The following PARP9 variants were observed in gnomAD, a reference collection of about 807,000 sequenced individuals.
PARP9 encodes the protein poly(ADP-ribose) polymerase family member 9.
PARP9 carries 48 observed loss-of-function variants against 68.8 expected under a neutral mutation model. That is an observed-to-expected ratio of 0.70 (90% CI 0.55 to 0.89). PARP9 has a LOEUF of 0.89. Among genes scored for constraint, PARP9 ranks in the 40% least tolerant of loss-of-function variants. The pLI, the probability that PARP9 is intolerant of heterozygous loss-of-function variation, is 0.00. For synonymous variants in PARP9, 309 were observed against 333.8 expected (o/e 0.93, Z 0.81); for missense variants, 806 against 969.3 (o/e 0.83, Z 2.24).
At chr3:122,558,670 A>G (rs1336874044) in intron 2 of PARP9, among the ~76,000 whole-genome samples, 1 of 152,144 alleles carries the variant, frequency 6.6e-6, no homozygotes, top group East Asian at 1.9e-4. Flanking sequence ...CATTGGCCCT[A>G]TGTCATTTCC....
At chr3:122,557,036 A>G (rs1043241024) in intron 3 of PARP9, among the ~76,000 whole-genome samples, 1 of 152,062 alleles carries the variant, frequency 6.6e-6, no homozygotes, top group Admixed American at 6.6e-5. Flanking sequence ...GTTTCACCAT[A>G]TTGCCTAGGC....
At chr3:122,543,162 C>T (rs1326248500) in intron 7 of PARP9, among the ~76,000 whole-genome samples, 1 of 150,882 alleles carries the variant, frequency 6.6e-6, no homozygotes, top group Non-Finnish European at 1.5e-5. Flanking sequence ...CCACTTGCCT[C>T]GGCCTCCCAA....
chr3:122,542,582 C>A (rs548642425), intron 7 of PARP9, among the ~76,000 whole-genome samples: 3 of 151,854 alleles, frequency 2.0e-5, no homozygotes, highest in Admixed American at 6.6e-5. Context: ...TGGGTTCAGA[C>A]GATTCTCCTG....
rs895637518 is a variant in PARP9, at chr3:122,545,382, G to A, written c.1384+50C>T. 12 of 1,551,152 alleles carry A rather than the reference G, an allele frequency of 7.7e-6. No homozygotes were observed. In the African/African-American group the frequency reaches 1.1e-4, roughly 14 times the overall value. Reference sequence around the variant, plus strand: ...TAGTTCAGATGATCAAGAATAGAATGAGCCAATGGTGGGCGACCCTACTTA... The same window carrying A: ...TAGTTCAGATGATCAAGAATAGAATAAGCCAATGGTGGGCGACCCTACTTA... On this transcript the variant is annotated intron_variant, in intron 7 of 10. Transcript: ENST00000682323.
chr3:122,554,744 T>C (rs1293622619), intron 4 of PARP9, among the ~76,000 whole-genome samples: 2 of 152,162 alleles, frequency 1.3e-5, no homozygotes, highest in African/African-American at 2.4e-5. Context: ...ATTATTATTA[T>C]TTTTAGAGTC....
intron 3 of PARP9, among the ~76,000 whole-genome samples, chr3:122,558,111 C>G (rs1257173944): frequency 1.3e-5 from 2 of 152,194 alleles, no homozygotes; most frequent in Non-Finnish European, 2.9e-5. Flanking sequence ...GGAATTAGGC[C>G]AGAACTATTT....
chr3:122,543,339 G>A (rs1388202853), intron 7 of PARP9, among the ~76,000 whole-genome samples: 2 of 150,284 alleles, frequency 1.3e-5, no homozygotes, highest in Admixed American at 6.6e-5. Context: ...GTGCAATGGC[G>A]CAATCTTGGC....
rs377580073 is a variant in PARP9 at position 122,555,242 on chromosome 3, G to T, written c.885+44C>A. ...ACACTCAAAAATTATTTAATTTTCA[G>T]GGATCACCTGTGCCAGTGCAAGAGA... On this transcript the variant is annotated intron_variant, in intron 4 of 10. Coordinates refer to ENST00000682323, the MANE Select transcript of PARP9 (RefSeq NM_001146105.2). 4.6e-6 allele frequency: 7 copies of T among 1,514,248 alleles called. No individual in the cohort carries two copies. In the African/African-American group the frequency reaches 9.8e-5, roughly 21 times the overall value. 93.8% of individuals were successfully genotyped at this position (1,514,248 alleles called of 1,614,324 possible).
intron 6 of PARP9, among the ~76,000 whole-genome samples, chr3:122,547,489 T>C (rs10222564): frequency 0.12 from 18,852 of 152,062 alleles, 1,341 homozygotes; most frequent in East Asian, 0.33. Flanking sequence ...ATATTTTTGT[T>C]TGTATGTTGG....
At chr3:122,542,142 T>C (rs1457448257) in intron 7 of PARP9, among the ~76,000 whole-genome samples, 1 of 152,096 alleles carries the variant, frequency 6.6e-6, no homozygotes, top group Non-Finnish European at 1.5e-5. Context: ...ATAGTGATAT[T>C]GCATTTATCC....
intron 5 of PARP9, among the ~76,000 whole-genome samples, chr3:122,551,207 A>G (rs1469343011): frequency 2.0e-5 from 3 of 152,240 alleles, no homozygotes; most frequent in African/African-American, 2.4e-5. Flanking sequence ...ATTCAACATC[A>G]TTAAGATCTA....
chr3:122,555,522 T>C lies in PARP9; in HGVS notation c.649A>G (p.Thr217Ala). The stretch of plus-strand genomic sequence containing the variant: ...CGGATAGTCTCTACAATAGTCTTTG[T>C]ACACAAATTCAGAGGGAACTGAAAA... ...GIFQFPLNLC[T>A]KTIVETIRVS... Residue 217 changes from threonine (T) to alanine (A), a missense_variant, in exon 4 of 11, where the codon ACA becomes GCA. Coordinates refer to ENST00000682323, the MANE Select transcript of PARP9 (RefSeq NM_001146105.2). The C allele has an allele frequency of 6.2e-7, 1 of 1,614,166 alleles. No homozygotes were observed. The highest frequency in any genetic ancestry group is 8.5e-7 in the Non-Finnish European group (1 of 1,180,016).
At chr3:122,558,009 T>C (rs1431899937) in intron 3 of PARP9, among the ~76,000 whole-genome samples, 1 of 152,256 alleles carries the variant, frequency 6.6e-6, no homozygotes, top group Admixed American at 6.5e-5. Flanking sequence ...GAAAGACCTC[T>C]TGTGGCCTCA....
chr3:122,537,469 T>C (rs1301836829), intron 8 of PARP9, among the ~76,000 whole-genome samples: 1 of 152,222 alleles, frequency 6.6e-6, no homozygotes, highest in Non-Finnish European at 1.5e-5. Flanking sequence ...GGAAATGACA[T>C]GACATTTGTA....
intron 1 of PARP9, among the ~76,000 whole-genome samples, chr3:122,562,163 C>CTT (rs1553722191): frequency 0.014 from 773 of 56,934 alleles, 9 homozygotes; most frequent in South Asian, 0.11. Context: ...ATACTCTTTT[C>CTT]TTTTCTTTTC....
rs551523578 is a variant in PARP9 at position 122,564,291 on chromosome 3, A to C, written c.-136T>G. On this transcript the variant is annotated 5_prime_UTR_variant, in exon 1 of 11. Transcript: ENST00000682323. ...TGCAGACAGCACAGGGAGGAGGGGG[A>C]AGCGGCTCTGCCGGGAACAGGGAGG... The C allele has an allele frequency of 2.8e-6, 3 of 1,079,020 alleles. No homozygotes were observed. The highest frequency in any genetic ancestry group is 3.9e-6 in the Non-Finnish European group (3 of 774,940). The allele number at this position is 1,079,020 out of a possible 1,614,324, so 66.8% of individuals were successfully genotyped here.
intron 1 of PARP9, among the ~76,000 whole-genome samples, chr3:122,562,494 T>G (rs6438741): frequency 0.59 from 89,363 of 151,916 alleles, 26,582 homozygotes; most frequent in East Asian, 0.79. Flanking sequence ...CGCCCAGCCA[T>G]CAATATACTC....
intron 4 of PARP9, among the ~76,000 whole-genome samples, chr3:122,553,661 A>G (rs1184971172): frequency 6.6e-6 from 1 of 152,156 alleles, no homozygotes; most frequent in East Asian, 1.9e-4. Context: ...ATTGTCTTAT[A>G]GGCAATAAGT....
chr3:122,532,715 A>G (rs2077391834), intron 10 of PARP9: 1 of 152,518 alleles, frequency 6.6e-6, no homozygotes, highest in Non-Finnish European at 1.5e-5. Context: ...CTAGGCCTGT[A>G]GGCCTGCAGG....
Sources: allele counts gnomAD v4.1 joint callset (sites outside exome capture counted in the v4.1 genomes callset), GRCh38; gene constraint gnomAD v4.1.1; transcripts MANE v1.5; gene names NCBI Gene and HGNC (gene_info 2026-07-23, HGNC 2026-07-21).